Variants in GINS4 observed in about 807,000 individuals in gnomAD.
GINS4 encodes the protein GINS complex subunit 4, also known as DNA replication complex GINS protein SLD5.
GINS4 carries 20 observed loss-of-function variants against 31.1 expected under a neutral mutation model. That is an observed-to-expected ratio of 0.64 (90% CI 0.45 to 0.93). The LOEUF (loss-of-function observed/expected upper bound fraction) is 0.93. Among genes scored for constraint, GINS4 ranks in the 40% least tolerant of loss-of-function variants. The pLI is 0.00. For synonymous variants in GINS4, 85 were observed against 97.9 expected, an observed-to-expected ratio of 0.87 and a Z score of 0.78; for missense variants, 245 against 273.9, an observed-to-expected ratio of 0.89 and a Z score of 0.75.
rs1357263163 is a variant in GINS4, at chr8:41,536,418, A to G, written c.155A>G (p.Glu52Gly). The change falls in exon 3 of 8, where the codon GAA becomes GGA. Residue 52 changes from glutamate to glycine, a missense_variant. Coordinates refer to ENST00000276533, the MANE Select transcript of GINS4 (RefSeq NM_032336.3). ...CTGGAGAGCAAGCCTGAGATTGTAG[A>G]ATGTGTCATGGAACAGCTGGAGCAC... ...ELLESKPEIV[E>G]CVMEQLEHME... The G allele has an allele frequency of 1.3e-5, 21 of 1,610,860 alleles. No homozygotes were observed. The Admixed American group carries it at 3.5e-4, about 27-fold the overall frequency.
intron 3 of GINS4, 73 bp downstream of exon 3, chr8:41,536,519 G>C: frequency 1.2e-6 from 1 of 852,034 alleles, no homozygotes; most frequent in Non-Finnish European, 1.9e-6. Context: ...CTGAGAGCTT[G>C]TGGTCTGGTA....
chr8:41,541,760 G>T lies in GINS4; in HGVS notation c.485-49G>T. On this transcript the variant is annotated intron_variant, in intron 6 of 7. Coordinates refer to ENST00000276533, the MANE Select transcript of GINS4 (RefSeq NM_032336.3). ...TCTTCCCAGCAACTTTTACTTTGTT[G>T]ACTTTGTTGGCCGAGGATTTCCTAA... 2.0e-6 allele frequency: 3 copies of T among 1,479,820 alleles called. No individual in the cohort carries two copies. The South Asian group carries it at 3.5e-5, about 17-fold the overall frequency. 91.7% of individuals were successfully genotyped at this position (1,479,820 alleles called of 1,614,324 possible).
chr8:41,531,007 C>A (rs56997231), intron 2 of GINS4, among the ~76,000 whole-genome samples: 8,772 of 152,282 alleles, frequency 0.058, 849 homozygotes, highest in African/African-American at 0.2. Flanking sequence ...CACGGTGGCT[C>A]AAGCCTGTAA....
chr8:41,540,147 C>G, intron 6 of GINS4, 143 bp downstream of exon 6: 1 of 656,130 alleles, frequency 1.5e-6, no homozygotes, highest in Non-Finnish European at 2.7e-6. Context: ...TAGCTAAAAA[C>G]CAAAAAAATC....
intron 1 of GINS4, chr8:41,529,866 G>A (rs1806624491): frequency 5.0e-6 from 1 of 200,182 alleles, no homozygotes; most frequent in Admixed American, 5.8e-5. Flanking sequence ...GAACTAAAAC[G>A]AACCCCGTCC....
intron 2 of GINS4, among the ~76,000 whole-genome samples, chr8:41,531,911 C>T (rs1411695223): frequency 6.6e-6 from 1 of 152,228 alleles, no homozygotes; most frequent in East Asian, 1.9e-4. Context: ...CCTGCATCAG[C>T]CTCCTGAGTA....
intron 6 of GINS4, among the ~76,000 whole-genome samples, chr8:41,541,232 G>C (rs1806835921): frequency 6.6e-6 from 1 of 151,948 alleles, no homozygotes; most frequent in Non-Finnish European, 1.5e-5. Context: ...ACCATGCTTG[G>C]CTATTATTTT....
chr8:41,535,798 G>A (rs1806731700), intron 2 of GINS4, among the ~76,000 whole-genome samples: 2 of 152,144 alleles, frequency 1.3e-5, no homozygotes, highest in African/African-American at 2.4e-5. Context: ...CATAATAGAT[G>A]AGCGCCTGTT....
rs1174674920 is a variant in GINS4, at chr8:41,542,159, G to A, written c.*72G>A. The A allele has an allele frequency of 9.0e-6, 10 of 1,114,368 alleles. No homozygotes were observed. Among genetic ancestry groups the A allele is most frequent in the African/African-American group, 7.7e-5 (5 of 65,166 alleles). 69.0% of individuals were successfully genotyped at this position (1,114,368 alleles called of 1,614,324 possible). On this transcript the variant is annotated 3_prime_UTR_variant, in exon 8 of 8. Transcript: ENST00000276533. ...AGCACTTTGGGAGGCCGAGGCGGGC[G>A]GATCATGAGGTCAGGAGTTCGAGAC... is the stretch of plus-strand genomic sequence containing the variant.
chr8:41,531,155 C>A (rs1806643287), intron 2 of GINS4, among the ~76,000 whole-genome samples: 1 of 152,180 alleles, frequency 6.6e-6, no homozygotes, highest in Non-Finnish European at 1.5e-5. Context: ...GCCTGTAATC[C>A]CAGCTACTCG....
At chr8:41,533,522 A>G (rs544911328) in intron 2 of GINS4, among the ~76,000 whole-genome samples, 1 of 152,330 alleles carries the variant, frequency 6.6e-6, no homozygotes, top group African/African-American at 2.4e-5. Context: ...AGTGCAGCCA[A>G]GGAAGTGACC....
At chr8:41,539,387 A>G (rs1806796809) in intron 4 of GINS4, among the ~76,000 whole-genome samples, 1 of 151,832 alleles carries the variant, frequency 6.6e-6, no homozygotes, top group Non-Finnish European at 1.5e-5. Context: ...GTCTTTCACA[A>G]AAGACTTCCC....
Position 41,541,861 on chromosome 8 carries a change from A to G in GINS4, c.537A>G (p.Gln179=). ...TGTTTCTGAGAGTGAGAGAACGACA[A>G]GAAAACATACTGGTAGAACCAGACA... ...SYVFLRVRER[Q]ENILVEPDTD... The change falls in exon 7 of 8, where the codon CAA becomes CAG. Residue 179 remains glutamine (Q), a synonymous_variant. Coordinates refer to ENST00000276533, the MANE Select transcript of GINS4 (RefSeq NM_032336.3). 6.2e-7 allele frequency: 1 copy of G among 1,614,236 alleles called. No individual in the cohort carries two copies. The highest frequency in any genetic ancestry group is 8.5e-7 in the Non-Finnish European group (1 of 1,180,028).
chr8:41,533,003 C>G (rs574022455), intron 2 of GINS4, among the ~76,000 whole-genome samples: 2 of 152,276 alleles, frequency 1.3e-5, no homozygotes, highest in African/African-American at 4.8e-5. Flanking sequence ...GTGAAAACTT[C>G]CGCATGTACT....
chr8:41,535,423 G>T (rs1806725701), intron 2 of GINS4, among the ~76,000 whole-genome samples: 1 of 152,102 alleles, frequency 6.6e-6, no homozygotes, highest in South Asian at 2.1e-4. Flanking sequence ...AAAATATGAT[G>T]TTTTCCCATG....
chr8:41,530,215 G>T lies in GINS4; in HGVS notation c.13G>T (p.Val5Leu). Residue 5 changes from valine to leucine, a missense_variant, in exon 2 of 8, where the codon GTG becomes TTG. By Grantham distance (32) the Val-to-Leu change is conservative (BLOSUM62 1). Transcript: ENST00000276533. Reference sequence around the variant, plus strand: ...GGTTTCAGAGAAGATGACCGAAGAAGTGGATTTCCTGGGACAGGACTCTGA... The same window carrying T: ...GGTTTCAGAGAAGATGACCGAAGAATTGGATTTCCTGGGACAGGACTCTGA... MTEE[V>L]DFLGQDSDGG... 9.9e-6 allele frequency: 16 copies of T among 1,613,498 alleles called. No homozygotes were observed. The highest frequency in any genetic ancestry group is 1.4e-5 in the Non-Finnish European group (16 of 1,179,438).
chr8:41,530,323 T>TGGGA, intron 2 of GINS4, 25 bp downstream of exon 2: 2 of 1,536,990 alleles, frequency 1.3e-6, no homozygotes, highest in Non-Finnish European at 1.8e-6. Flanking sequence ...TCGAATCCCT[T>TGGGA]TGCTCCAGTC....
intron 6 of GINS4, chr8:41,540,326 C>G (rs1330293168): frequency 2.6e-6 from 1 of 389,108 alleles, no homozygotes; most frequent in Non-Finnish European, 4.8e-6. Context: ...CGAGTACCAG[C>G]ACTGCAGAGC....
chr8:41,541,523 G>C (rs1806840831), intron 6 of GINS4, among the ~76,000 whole-genome samples: 1 of 152,168 alleles, frequency 6.6e-6, no homozygotes, highest in African/African-American at 2.4e-5. Context: ...TATGAATTGT[G>C]CAGGGACACA....
Sources: gnomAD v4.1 joint callset for allele counts (sites outside exome capture counted in the v4.1 genomes callset) on GRCh38, gnomAD v4.1.1 for gene constraint, MANE v1.5 for transcripts, NCBI Gene and HGNC (gene_info 2026-07-23, HGNC 2026-07-21) for gene names.